COLGALT1: variants seen among roughly 807,000 people sequenced by gnomAD.
COLGALT1 encodes the protein collagen beta(1-O)galactosyltransferase 1, also known as procollagen galactosyltransferase 1.
Under a neutral mutation model 60.8 loss-of-function variants are expected in COLGALT1, and 43 were observed. The ratio of observed to expected loss-of-function variants is 0.71; its 90% CI spans 0.55 to 0.91. The LOEUF is 0.91. Among genes scored for constraint, COLGALT1 ranks in the 40% least tolerant of loss-of-function variants. The pLI is 0.00. For synonymous variants in COLGALT1, 369 were observed against 374.2 expected, an observed-to-expected ratio of 0.99 and a Z score of 0.16; for missense variants, 845 against 880.0, an observed-to-expected ratio of 0.96 and a Z score of 0.50.
intron 3 of COLGALT1, among the ~76,000 whole-genome samples, chr19:17,564,060 A>AC (rs35461950): frequency 0.54 from 65,477 of 122,078 alleles, 14,540 homozygotes; most frequent in East Asian, 0.61. Flanking sequence ...ACATAGTGAG[A>AC]CCCCCCCCAT....
chr19:17,555,668 CA>C lies in COLGALT1; in HGVS notation c.-45del. On this transcript the variant is annotated 5_prime_UTR_variant, in exon 1 of 12. Transcript: ENST00000252599. ...CCCTATGACCCCTTTAAGGCGCGGC[CA>C]GAGTCCTCCCGCAGAAAAACGACTT... 2 of 1,175,982 alleles carry C rather than the reference CA, an allele frequency of 1.7e-6. No homozygotes were observed. Among genetic ancestry groups the C allele is most frequent in the Non-Finnish European group, 2.1e-6 (2 of 952,628 alleles). 72.8% of individuals were successfully genotyped at this position (1,175,982 alleles called of 1,614,324 possible).
Position 17,567,502 on chromosome 19 carries a change from G to A in COLGALT1, c.586G>A (p.Ala196Thr). ...TVVAPMLDSR[A>T]AYSNFWCGMT... ...GGTCGCCCCCATGCTGGATTCCCGGGCTGCGTACTCCAACTTCTGGTGTGG... is the reference window on the plus strand; with the variant it reads ...GGTCGCCCCCATGCTGGATTCCCGGACTGCGTACTCCAACTTCTGGTGTGG... The change falls in exon 4 of 12, where the codon GCT becomes ACT. Residue 196 changes from alanine (A) to threonine (T), a missense_variant. Transcript: ENST00000252599. 1 of 1,613,908 alleles carries A rather than the reference G, an allele frequency of 6.2e-7. No homozygotes were observed. The highest frequency in any genetic ancestry group is 8.5e-7 in the Non-Finnish European group (1 of 1,179,902).
chr19:17,564,894 C>T (rs2043539848), intron 3 of COLGALT1, among the ~76,000 whole-genome samples: 1 of 152,182 alleles, frequency 6.6e-6, no homozygotes, highest in Non-Finnish European at 1.5e-5. Flanking sequence ...CACTCCCCAA[C>T]TCCCCATTCC....
chr19:17,556,036 G>A lies in COLGALT1; in HGVS notation c.260+63G>A, dbSNP rs964568112. 7.1e-6 allele frequency: 9 copies of A among 1,269,746 alleles called. No individual in the cohort carries two copies. The African/African-American group carries it at 9.4e-5, about 13-fold the overall frequency. The allele number at this position is 1,269,746 out of a possible 1,614,324, so 78.7% of individuals were successfully genotyped here. On this transcript the variant is annotated intron_variant, in intron 1 of 11. Transcript: ENST00000252599. ...CGAGCCCCTGCTTGCTGTCCCCATA[G>A]GGGTGGGTCCACGCGAGCCCCTGCC...
intron 3 of COLGALT1, among the ~76,000 whole-genome samples, chr19:17,563,199 T>A (rs2076259363): frequency 6.7e-6 from 1 of 148,508 alleles, no homozygotes; most frequent in Non-Finnish European, 1.5e-5. Flanking sequence ...TTTTTTTTTT[T>A]TTTTTTTTTG....
chr19:17,555,930 G>A lies in COLGALT1; in HGVS notation c.217G>A (p.Ala73Thr). 1 of 1,394,256 alleles carries A rather than the reference G, an allele frequency of 7.2e-7. No individual in the cohort carries two copies. 86.4% of individuals were successfully genotyped at this position (1,394,256 alleles called of 1,614,324 possible). A position where few individuals can be genotyped will look rare whatever the true frequency, so the allele number is the denominator to read the frequency against. Residue 73 changes from alanine (A) to threonine (T), a missense_variant, in exon 1 of 12, where the codon GCA becomes ACA. Physicochemically the swap from Ala to Thr is moderately conservative, Grantham distance 58. Coordinates refer to ENST00000252599, the MANE Select transcript of COLGALT1 (RefSeq NM_024656.4). Reference protein sequence around the residue: ...AAHALPTTLGALERLRHPRER... With the variant: ...AAHALPTTLGTLERLRHPRER... ...CCACGCGTTGCCCACCACGCTGGGC[G>A]CACTCGAGCGGCTGCGGCACCCGCG...
At chr19:17,567,334 C>A in intron 3 of COLGALT1, 72 bp from the exon 4 acceptor site, 2 of 1,592,140 alleles carry the variant, frequency 1.3e-6, no homozygotes, top group Non-Finnish European at 1.7e-6. Flanking sequence ...GGGCACTGGC[C>A]TTTGCCCCAG....
Position 17,555,674 on chromosome 19 carries a change from C to A in COLGALT1, c.-40C>A. On this transcript the variant is annotated 5_prime_UTR_variant, in exon 1 of 12. Coordinates refer to ENST00000252599, the MANE Select transcript of COLGALT1 (RefSeq NM_024656.4). ...GACCCCTTTAAGGCGCGGCCAGAGT[C>A]CTCCCGCAGAAAAACGACTTAAAGG... 8.5e-7 allele frequency: 1 copy of A among 1,177,698 alleles called. No homozygotes were observed. Among genetic ancestry groups the A allele is most frequent in the Non-Finnish European group, 1.0e-6 (1 of 953,680 alleles). The allele number at this position is 1,177,698 out of a possible 1,614,324, so 73.0% of individuals were successfully genotyped here.
intron 3 of COLGALT1, 64 bp from the exon 4 acceptor site, chr19:17,567,342 C>T (rs2076285374): frequency 1.9e-6 from 3 of 1,599,584 alleles, no homozygotes; most frequent in African/African-American, 1.3e-5. Flanking sequence ...GCCTTTGCCC[C>T]AGCTGTTCTG....
At chr19:17,567,996 C>G (rs1300582322) in intron 4 of COLGALT1, among the ~76,000 whole-genome samples, 2 of 151,996 alleles carry the variant, frequency 1.3e-5, no homozygotes, top group Non-Finnish European at 2.9e-5. Context: ...TTAAACAGCC[C>G]TCTGAGGCCA....
chr19:17,564,413 C>CT (rs71162155), intron 3 of COLGALT1, among the ~76,000 whole-genome samples: 1,086 of 104,204 alleles, frequency 0.01, 43 homozygotes, highest in East Asian at 0.039. Flanking sequence ...AAAACATCTA[C>CT]TTTTTTTTTT....
At chr19:17,580,298 A>C in intron 10 of COLGALT1, 1 of 254,616 alleles carries the variant, frequency 3.9e-6, no homozygotes, top group East Asian at 1.1e-4. Flanking sequence ...TTCCATGTGC[A>C]GTGCCCTAAT....
intron 6 of COLGALT1, 61 bp downstream of exon 6, chr19:17,572,663 C>G: frequency 6.2e-7 from 1 of 1,604,330 alleles, no homozygotes; most frequent in Non-Finnish European, 8.5e-7. Context: ...ACTGATGTCT[C>G]AAATCCGTCC....
chr19:17,581,109 AT>A, intron 11 of COLGALT1, 67 bp from the exon 12 acceptor site: 2 of 1,554,572 alleles, frequency 1.3e-6, no homozygotes. Flanking sequence ...TTCACCCCCA[AT>A]TTTTCCTCCA....
chr19:17,569,293 A>T (rs1568477244), intron 5 of COLGALT1, among the ~76,000 whole-genome samples: 1 of 152,180 alleles, frequency 6.6e-6, no homozygotes, highest in Non-Finnish European at 1.5e-5. Flanking sequence ...TAATTTTGTC[A>T]CGTGCATAGA....
chr19:17,579,678 G>C, intron 10 of COLGALT1, 69 bp downstream of exon 10: 1 of 1,473,908 alleles, frequency 6.8e-7, no homozygotes, highest in Non-Finnish European at 9.3e-7. Flanking sequence ...AGGTGGGGGT[G>C]GGGGCAGGGT....
intron 4 of COLGALT1, among the ~76,000 whole-genome samples, chr19:17,567,815 G>A (rs1479721658): frequency 1.3e-5 from 2 of 152,008 alleles, no homozygotes; most frequent in Non-Finnish European, 2.9e-5. Flanking sequence ...CGGGTATGGT[G>A]GCACATGCCT....
At chr19:17,566,745 C>T (rs371485663) in intron 3 of COLGALT1, among the ~76,000 whole-genome samples, 16 of 152,086 alleles carry the variant, frequency 1.1e-4, no homozygotes, top group South Asian at 1.0e-3. Context: ...CAGTGGGCTA[C>T]GATTACACCA....
intron 8 of COLGALT1, 119 bp downstream of exon 8, chr19:17,577,586 C>A: frequency 1.1e-6 from 1 of 932,556 alleles, no homozygotes; most frequent in Non-Finnish European, 1.6e-6. Context: ...CAGATGTAGA[C>A]CTCGTCAGTG....
Sources: gnomAD v4.1 joint callset for allele counts (sites outside exome capture counted in the v4.1 genomes callset) on GRCh38, gnomAD v4.1.1 for gene constraint, MANE v1.5 for transcripts, NCBI Gene and HGNC (gene_info 2026-07-23, HGNC 2026-07-21) for gene names.